The following LINGO2 variants were observed in gnomAD, a reference collection of about 807,000 sequenced individuals.
LINGO2 encodes leucine-rich repeat and immunoglobulin-like domain-containing nogo receptor-interacting protein 2.
Under a neutral mutation model 30.6 loss-of-function variants are expected in LINGO2, and 14 were observed. The ratio of observed to expected loss-of-function variants is 0.46; its 90% confidence interval spans 0.30 to 0.72. LINGO2 has a LOEUF of 0.72. Among genes scored for constraint, LINGO2 ranks in the 30% least tolerant of loss-of-function variants. LINGO2 has a pLI of 0.07. For synonymous variants in LINGO2, 317 were observed against 288.5 expected, an observed-to-expected ratio of 1.10 and a Z score of -1.00; for missense variants, 729 against 751.7, an observed-to-expected ratio of 0.97 and a Z score of 0.35.
the LINGO2 span, among the ~76,000 whole-genome samples, chr9:29,143,387 C>A: frequency 6.6e-6 from 1 of 152,074 alleles, no homozygotes; most frequent in East Asian, 1.9e-4. Context: ...AAGCTGGAGG[C>A]CTGACACTTT....
At chr9:28,549,063 A>G (rs886634582) in intron 1 of LINGO2, among the ~76,000 whole-genome samples, 2 of 152,062 alleles carry the variant, frequency 1.3e-5, no homozygotes, top group African/African-American at 2.4e-5. Context: ...GTTCTTTCAG[A>G]TATTATTTTT....
chr9:28,790,449 C>T, the LINGO2 span, among the ~76,000 whole-genome samples: 2 of 151,002 alleles, frequency 1.3e-5, no homozygotes, highest in Non-Finnish European at 2.9e-5. Context: ...CTGCCTCAGC[C>T]TCTGGAGTAG....
At chr9:27,993,546 T>C (rs1245990553) in intron 5 of LINGO2, among the ~76,000 whole-genome samples, 1 of 152,080 alleles carries the variant, frequency 6.6e-6, no homozygotes, top group African/African-American at 2.4e-5. Flanking sequence ...CCCTGTCACA[T>C]ACACAAAAAA....
chr9:28,287,843 C>A (rs1439323612), intron 4 of LINGO2, among the ~76,000 whole-genome samples: 1 of 152,126 alleles, frequency 6.6e-6, no homozygotes, highest in Admixed American at 6.5e-5. Context: ...AAAAAACACA[C>A]AAGCTCTTTT....
intron 4 of LINGO2, among the ~76,000 whole-genome samples, chr9:28,132,480 C>A (rs2133449798): frequency 6.6e-6 from 1 of 152,310 alleles, no homozygotes; most frequent in African/African-American, 2.4e-5. Flanking sequence ...GGAGTTATAG[C>A]TGTCAGAATT....
the LINGO2 span, among the ~76,000 whole-genome samples, chr9:29,073,096 T>G: frequency 6.6e-6 from 1 of 151,900 alleles, no homozygotes; most frequent in Non-Finnish European, 1.5e-5. Context: ...TACAATCTTG[T>G]ATTTTAAACA....
chr9:28,330,269 T>C (rs1253801474), intron 3 of LINGO2, among the ~76,000 whole-genome samples: 1 of 152,180 alleles, frequency 6.6e-6, no homozygotes, highest in Non-Finnish European at 1.5e-5. Context: ...TCTAAAATTG[T>C]GAGAAATAAA....
the LINGO2 span, among the ~76,000 whole-genome samples, chr9:29,185,745 T>C: frequency 6.6e-6 from 1 of 152,182 alleles, no homozygotes; most frequent in African/African-American, 2.4e-5. Context: ...CCATGACCAG[T>C]GCTCCTTCCA....
At chr9:28,799,389 A>G in the LINGO2 span, among the ~76,000 whole-genome samples, 9 of 152,136 alleles carry the variant, frequency 5.9e-5, no homozygotes, top group Admixed American at 2.6e-4. Flanking sequence ...GGGGTGTGAA[A>G]AAGAAACAAT....
the LINGO2 span, among the ~76,000 whole-genome samples, chr9:28,797,355 T>TAGAGAG: frequency 0.012 from 681 of 59,108 alleles, 1 homozygote; most frequent in Middle Eastern, 0.035. Context: ...TATATATATA[T>TAGAGAG]ATATAGAGAG....
At chr9:28,094,531 G>A (rs998715020) in intron 4 of LINGO2, among the ~76,000 whole-genome samples, 1 of 137,478 alleles carries the variant, frequency 7.3e-6, no homozygotes, top group Admixed American at 7.2e-5. Context: ...GTGTGTGTGA[G>A]AGAGAGAGAG....
chr9:28,761,216 T>A, the LINGO2 span, among the ~76,000 whole-genome samples: 1 of 151,950 alleles, frequency 6.6e-6, no homozygotes, highest in Non-Finnish European at 1.5e-5. Flanking sequence ...AAGTACTTGC[T>A]TTTAACAAAG....
Position 28,385,819 on chromosome 9 carries a change from G to C in LINGO2, c.-278-12951C>G, listed in dbSNP as rs77241233. On this transcript the variant is annotated intron_variant, in intron 2 of 5. Transcript: ENST00000379992. ...GAGAAGGCAAAAGAAAATGGACCCA[G>C]AGAGAAAGGAGGGATGGCATTTTGG... Among the ~76,000 whole-genome samples the C allele has an allele frequency of 5.3e-3, 810 of 152,282 alleles. 27 individuals carry two copies. In the East Asian group the frequency reaches 0.094, roughly 18 times the overall value.
chr9:28,373,115 A>G (rs1820969218), intron 2 of LINGO2, among the ~76,000 whole-genome samples: 1 of 152,136 alleles, frequency 6.6e-6, no homozygotes, highest in Non-Finnish European at 1.5e-5. Flanking sequence ...TCTTATGAGT[A>G]TAGAAATTAT....
intron 2 of LINGO2, among the ~76,000 whole-genome samples, chr9:28,385,620 AAAG>A (rs1407309377): frequency 6.6e-6 from 1 of 152,180 alleles, no homozygotes; most frequent in Non-Finnish European, 1.5e-5. Flanking sequence ...GGAGCGAACA[AAAG>A]ATAAATATTC....
intron 4 of LINGO2, among the ~76,000 whole-genome samples, chr9:28,187,039 G>A (rs892840951): frequency 1.3e-4 from 20 of 152,236 alleles, no homozygotes; most frequent in African/African-American, 4.8e-4. Context: ...GAAGGAAATC[G>A]ATGGTAGACA....
chr9:28,912,938 T>C, the LINGO2 span, among the ~76,000 whole-genome samples: 1 of 152,142 alleles, frequency 6.6e-6, no homozygotes, highest in African/African-American at 2.4e-5. Flanking sequence ...GTGTGACTTT[T>C]AATTGTTGGT....
At chr9:28,303,806 G>C (rs1183811756) in intron 3 of LINGO2, among the ~76,000 whole-genome samples, 1 of 151,958 alleles carries the variant, frequency 6.6e-6, no homozygotes, top group Non-Finnish European at 1.5e-5. Flanking sequence ...GAAAGGGTTG[G>C]TCTTGCTGTC....
chr9:29,120,650 G>A, the LINGO2 span, among the ~76,000 whole-genome samples: 2 of 152,092 alleles, frequency 1.3e-5, no homozygotes, highest in Non-Finnish European at 2.9e-5. Flanking sequence ...ATAAAATTTT[G>A]CACCCTGACA....
Sources: allele counts gnomAD v4.1 joint callset (sites outside exome capture counted in the v4.1 genomes callset), GRCh38; gene constraint gnomAD v4.1.1; transcripts MANE v1.5; gene names NCBI Gene and HGNC (gene_info 2026-07-23, HGNC 2026-07-21).